Variants in SLC6A9 observed in about 807,000 individuals in gnomAD.
SLC6A9 encodes the protein sodium- and chloride-dependent glycine transporter 1.
SLC6A9 carries 31 observed loss-of-function variants against 70.9 expected under a neutral mutation model. The observed-to-expected ratio is 0.44, with a 90% CI of 0.33 to 0.59. The LOEUF is 0.59. Ranked by LOEUF, SLC6A9 falls within the 20% of genes least tolerant of loss-of-function variation. The pLI is 0.04. For synonymous variants in SLC6A9, 310 were observed against 341.3 expected, an observed-to-expected ratio of 0.91 and a Z score of 1.01; for missense variants, 631 against 845.2, an observed-to-expected ratio of 0.75 and a Z score of 3.14.
In SLC6A9 at chr1:44,013,015, A is replaced by G. The variant is rs777603189; in HGVS notation, c.31-2133T>C. On this transcript the variant is annotated intron_variant, in intron 2 of 13. Transcript: ENST00000372310. This position sits in a 1 kb window ranked among gnomAD's most constrained non-coding sequence, Gnocchi z 5.3. Reference sequence around the variant, plus strand: ...CAAATGCCAGCCAAATAGGGCTCCTATATGTTGACCCTACAATACCAGTTT... The same window carrying G: ...CAAATGCCAGCCAAATAGGGCTCCTGTATGTTGACCCTACAATACCAGTTT... Among the ~76,000 whole-genome samples, 1 of 152,180 alleles carries G rather than the reference A, an allele frequency of 6.6e-6. No individual in the cohort carries two copies. Among genetic ancestry groups the G allele is most frequent in the Non-Finnish European group, 1.5e-5 (1 of 68,026 alleles).
rs759785759 is a variant in SLC6A9 at position 44,001,066 on chromosome 1, G to A, written c.1336-11C>T. On this transcript the variant is annotated splice_polypyrimidine_tract_variant and intron_variant, in intron 10 of 13. Coordinates refer to ENST00000372310, the MANE Select transcript of SLC6A9 (RefSeq NM_001024845.3). The stretch of plus-strand genomic sequence containing the variant: ...CCAATAGATGCCTGCCTGGGGAACA[G>A]CGGGCAGCTGTGGGAGGCGCCTGCA... 1.9e-6 allele frequency: 3 copies of A among 1,593,910 alleles called. No homozygotes were observed. The South Asian group carries it at 3.4e-5, about 18-fold the overall frequency.
intron 1 of SLC6A9, among the ~76,000 whole-genome samples, chr1:44,027,005 TG>T (rs1386189534): frequency 6.6e-6 from 1 of 152,218 alleles, no homozygotes; most frequent in Non-Finnish European, 1.5e-5. Flanking sequence ...GAGAATGAGC[TG>T]GGTGTAAAGC....
chr1:44,017,587 C>T (rs1269956392), intron 2 of SLC6A9, among the ~76,000 whole-genome samples: 1 of 152,182 alleles, frequency 6.6e-6, no homozygotes, highest in Non-Finnish European at 1.5e-5. Context: ...ATGGAAGGCA[C>T]AGTCCACAGG....
chr1:44,029,754 T>C (rs2087058473), intron 1 of SLC6A9, among the ~76,000 whole-genome samples: 1 of 152,138 alleles, frequency 6.6e-6, no homozygotes, highest in Non-Finnish European at 1.5e-5. Context: ...ACAGCCGCAG[T>C]CGCCGCATAG....
At chr1:44,016,926 T>C (rs2086764602) in intron 2 of SLC6A9, 2 of 1,016,410 alleles carry the variant, frequency 2.0e-6, no homozygotes, top group East Asian at 3.0e-5. Context: ...TCTGTCTTGC[T>C]TGCTGGCTGT....
intron 2 of SLC6A9, among the ~76,000 whole-genome samples, chr1:44,020,905 C>T (rs547494990): frequency 1.3e-5 from 2 of 152,320 alleles, no homozygotes; most frequent in East Asian, 3.9e-4. Context: ...TGAGTCTGTT[C>T]CTGTTCATTG....
intron 2 of SLC6A9, among the ~76,000 whole-genome samples, chr1:44,022,136 C>T (rs900371340): frequency 2.0e-5 from 3 of 152,228 alleles, no homozygotes; most frequent in Non-Finnish European, 4.4e-5. Context: ...CATAGACAGG[C>T]TGGCCGGGCC....
intron 3 of SLC6A9, 200 bp from the exon 4 acceptor site, chr1:44,010,296 G>C: frequency 1.7e-6 from 1 of 572,230 alleles, no homozygotes; most frequent in Non-Finnish European, 3.1e-6. Flanking sequence ...CAGGAATTCT[G>C]CTTGGAGTGG....
chr1:44,006,882 G>T (rs756400894), intron 5 of SLC6A9, among the ~76,000 whole-genome samples: 37 of 152,194 alleles, frequency 2.4e-4, no homozygotes, highest in Non-Finnish European at 1.5e-4. Context: ...AGAGTACTTG[G>T]ACCTGGGTTT....
chr1:44,010,125 G>A (rs200557179), intron 3 of SLC6A9, 29 bp from the exon 4 acceptor site: 20 of 1,612,380 alleles, frequency 1.2e-5, no homozygotes, highest in Non-Finnish European at 1.6e-5. Context: ...TCTGGCTCAG[G>A]AGTGGGCTTG....
At chr1:44,010,583 A>T in intron 3 of SLC6A9, 143 bp downstream of exon 3, 2 of 765,840 alleles carry the variant, frequency 2.6e-6, no homozygotes, top group Non-Finnish European at 4.1e-6. Context: ...AAGGGTGCCT[A>T]AGCCAGGGAT....
Position 44,022,722 on chromosome 1 carries a change from C to CTTTTT in SLC6A9, c.30+1521_30+1525dup, listed in dbSNP as rs71307650. 4.2e-5 allele frequency among the ~76,000 whole-genome samples: 5 copies of CTTTTT among 118,952 alleles called. 1 individual carries two copies. Among genetic ancestry groups the CTTTTT allele is most frequent in the Admixed American group, 9.6e-5 (1 of 10,380 alleles). 78.0% of individuals were successfully genotyped at this position (118,952 alleles called of 152,430 possible). On this transcript the variant is annotated intron_variant, in intron 2 of 13. Coordinates refer to ENST00000372310, the MANE Select transcript of SLC6A9 (RefSeq NM_001024845.3). The stretch of plus-strand genomic sequence containing the variant: ...TTTTTCTTTCTTTCTTTCTTTCTTT[C>CTTTTT]TTTTTTTTTTTTTTGAGACAGAGCC...
At chr1:44,016,867 C>T (rs1029399801) in intron 2 of SLC6A9, among the ~76,000 whole-genome samples, 1 of 152,176 alleles carries the variant, frequency 6.6e-6, no homozygotes, top group Non-Finnish European at 1.5e-5. Context: ...GCTAACTCTT[C>T]CTACACTCCT....
At chr1:44,020,830 G>A (rs1460658704) in intron 2 of SLC6A9, among the ~76,000 whole-genome samples, 3 of 152,206 alleles carry the variant, frequency 2.0e-5, no homozygotes, top group African/African-American at 4.8e-5. Flanking sequence ...AGCCCCTGGC[G>A]GCCTGTGGTG....
At position 43,997,906 on chromosome 1, in the gene SLC6A9, G is replaced by T; in HGVS notation, c.1656C>A (p.Pro552=). Residue 552 remains proline (P), a synonymous_variant, in exon 13 of 14, where the codon CCC becomes CCA. Coordinates refer to ENST00000372310, the MANE Select transcript of SLC6A9 (RefSeq NM_001024845.3). The surrounding 1 kb of genome is among the most constrained non-coding windows in gnomAD (Gnocchi z 4.4). ...LMALSSVLCI[P]LYAMFRLCRT... ...GGCAGAGCCGGAACATGGCGTAGAG[G>T]GGGATGCAGAGGACGGAGGACAGAG... 17 of 1,614,124 alleles carry T rather than the reference G, an allele frequency of 1.1e-5. No homozygotes were observed. The highest frequency in any genetic ancestry group is 1.4e-5 in the Non-Finnish European group (17 of 1,179,992).
At chr1:44,029,094 C>G (rs1379704503) in intron 1 of SLC6A9, among the ~76,000 whole-genome samples, 1 of 152,164 alleles carries the variant, frequency 6.6e-6, no homozygotes, top group Non-Finnish European at 1.5e-5. Flanking sequence ...ACAAGCTGGT[C>G]TGAGCTGCTT....
In SLC6A9 at chr1:44,002,801, G is replaced by A; in HGVS notation, c.723+52C>T. 1.2e-6 allele frequency: 2 copies of A among 1,609,134 alleles called. No individual in the cohort carries two copies. Among genetic ancestry groups the A allele is most frequent in the Non-Finnish European group, 1.7e-6 (2 of 1,176,164 alleles). ...TGCAATACACACATAACCCAGGTAG[G>A]GGGCAGGGTCTTTCTGGGTGGGCAC... On this transcript the variant is annotated intron_variant, in intron 6 of 13. Transcript: ENST00000372310. This position sits in a 1 kb window ranked among gnomAD's most constrained non-coding sequence, Gnocchi z 5.5.
At chr1:44,017,294 G>C in intron 2 of SLC6A9, 1 of 1,454,116 alleles carries the variant, frequency 6.9e-7, no homozygotes, top group South Asian at 1.4e-5. Context: ...AGCCCAGCAC[G>C]GGTGCTCCGG....
chr1:44,029,467 C>T (rs144331197), intron 1 of SLC6A9, among the ~76,000 whole-genome samples: 29 of 152,276 alleles, frequency 1.9e-4, no homozygotes, highest in African/African-American at 7.0e-4. Context: ...GCCTTTGCCC[C>T]GGCACCCGTT....
Sources: allele counts gnomAD v4.1 joint callset (sites outside exome capture counted in the v4.1 genomes callset), GRCh38; gene constraint gnomAD v4.1.1; non-coding constraint Gnocchi (gnomAD v3.1); transcripts MANE v1.5; gene names NCBI Gene and HGNC (gene_info 2026-07-23, HGNC 2026-07-21).